Variants in COMMD1 observed in about 807,000 individuals in gnomAD.
COMMD1 encodes the protein COMM domain-containing protein 1.
Under a neutral mutation model 17.2 loss-of-function variants are expected in COMMD1, and 10 were observed. That is an observed-to-expected ratio of 0.58 (90% CI 0.36 to 0.99). The LOEUF (loss-of-function observed/expected upper bound fraction) is 0.99. Among genes scored for constraint, COMMD1 ranks in the 50% least tolerant of loss-of-function variants. The pLI is 0.01. For synonymous variants in COMMD1, 97 were observed against 91.6 expected (o/e 1.06, Z -0.34); for missense variants, 270 against 231.8 (o/e 1.17, Z -1.07).
intron 1 of COMMD1, among the ~76,000 whole-genome samples, chr2:61,997,170 C>T (rs186567054): frequency 1.8e-3 from 277 of 151,912 alleles, no homozygotes; most frequent in African/African-American, 6.4e-3. Context: ...AGTGATCCTC[C>T]CACCTCAGCC....
chr2:62,124,965 CAT>C (rs1177884871), intron 2 of COMMD1, among the ~76,000 whole-genome samples: 1 of 152,110 alleles, frequency 6.6e-6, no homozygotes, highest in African/African-American at 2.4e-5. Context: ...TTTGAAAGTT[CAT>C]GTTTCCCGTA....
chr2:61,949,936 C>G (rs187366889), intron 1 of COMMD1, among the ~76,000 whole-genome samples: 1 of 152,114 alleles, frequency 6.6e-6, no homozygotes, highest in South Asian at 2.1e-4. Flanking sequence ...AAACCAATAA[C>G]GAGAATGCAG....
chr2:62,011,370 A>T (rs1481194736), intron 2 of COMMD1, among the ~76,000 whole-genome samples: 2 of 152,136 alleles, frequency 1.3e-5, no homozygotes, highest in Non-Finnish European at 2.9e-5. Flanking sequence ...AGTCATCCAC[A>T]ATTTGTGGAC....
At chr2:62,082,229 C>G (rs1235959607) in intron 2 of COMMD1, among the ~76,000 whole-genome samples, 2 of 152,178 alleles carry the variant, frequency 1.3e-5, no homozygotes, top group African/African-American at 4.8e-5. Context: ...AACAACAGAA[C>G]ATAGACTTTT....
chr2:62,062,646 GC>G (rs1281420635), intron 2 of COMMD1, among the ~76,000 whole-genome samples: 1 of 151,958 alleles, frequency 6.6e-6, no homozygotes, highest in Non-Finnish European at 1.5e-5. Context: ...AAAAAATAAA[GC>G]TAATTAATCC....
At chr2:62,052,099 CA>C (rs1314699218) in intron 2 of COMMD1, among the ~76,000 whole-genome samples, 7 of 152,180 alleles carry the variant, frequency 4.6e-5, no homozygotes, top group African/African-American at 1.4e-4. Flanking sequence ...CCTATTGTAT[CA>C]GTTGGGATTA....
chr2:62,035,573 T>C (rs1314584663), intron 2 of COMMD1, among the ~76,000 whole-genome samples: 1 of 151,456 alleles, frequency 6.6e-6, no homozygotes, highest in African/African-American at 2.4e-5. Context: ...TAACACTCTC[T>C]ACAAAAAATA....
rs1006914021 is a variant in COMMD1, at chr2:62,033,329, T to C, written c.462+32347T>C. Among the ~76,000 whole-genome samples the C allele has an allele frequency of 2.0e-5, 3 of 152,386 alleles. No homozygotes were observed. In the South Asian group the frequency reaches 6.2e-4, roughly 32 times the overall value. ...TGACTTCTGCTGATACAGGATATGC[T>C]TTCATTATGCTTTTACTTACCTTTC... On this transcript the variant is annotated intron_variant, in intron 2 of 2. Transcript: ENST00000311832.
intron 1 of COMMD1, among the ~76,000 whole-genome samples, chr2:61,949,016 C>G (rs1248948141): frequency 6.6e-6 from 1 of 152,198 alleles, no homozygotes; most frequent in African/African-American, 2.4e-5. Context: ...ACCTATAATT[C>G]CAGTTACTCA....
chr2:61,919,708 A>G (rs902312010), intron 1 of COMMD1, among the ~76,000 whole-genome samples: 1 of 152,156 alleles, frequency 6.6e-6, no homozygotes, highest in Non-Finnish European at 1.5e-5. Context: ...ATGCCTTTAT[A>G]ACAGAGAATT....
chr2:62,067,082 G>A (rs1007722804), intron 2 of COMMD1, among the ~76,000 whole-genome samples: 1 of 151,952 alleles, frequency 6.6e-6, no homozygotes, highest in Non-Finnish European at 1.5e-5. Flanking sequence ...GGTTCCGGCC[G>A]GGCATGGTGG....
intron 1 of COMMD1, among the ~76,000 whole-genome samples, chr2:61,898,446 A>G (rs1669595196): frequency 6.6e-6 from 1 of 152,198 alleles, no homozygotes; most frequent in African/African-American, 2.4e-5. Flanking sequence ...ACTGCACTGC[A>G]GCCTGGATGA....
At chr2:61,943,566 G>C (rs1187312031) in intron 1 of COMMD1, among the ~76,000 whole-genome samples, 1 of 152,172 alleles carries the variant, frequency 6.6e-6, no homozygotes, top group Non-Finnish European at 1.5e-5. Flanking sequence ...TGGGTGCCTT[G>C]GGTCACGCCT....
At chr2:62,121,637 C>T (rs533296268) in intron 2 of COMMD1, among the ~76,000 whole-genome samples, 1 of 150,502 alleles carries the variant, frequency 6.6e-6, no homozygotes, top group East Asian at 2.0e-4. Context: ...ACTTGGGAGG[C>T]TGAGGTAGGA....
intron 2 of COMMD1, among the ~76,000 whole-genome samples, chr2:62,134,141 GA>G (rs1673121429): frequency 6.6e-6 from 1 of 151,000 alleles, no homozygotes; most frequent in African/African-American, 2.5e-5. Context: ...CTCTTGGCCA[GA>G]TAAGGGAAAC....
At chr2:61,982,491 T>G (rs1671981912) in intron 1 of COMMD1, among the ~76,000 whole-genome samples, 1 of 152,226 alleles carries the variant, frequency 6.6e-6, no homozygotes, top group Non-Finnish European at 1.5e-5. Context: ...TCTTGTTTGA[T>G]TGCTTTAGCT....
chr2:62,076,947 C>A (rs933013407), intron 2 of COMMD1, among the ~76,000 whole-genome samples: 1 of 152,052 alleles, frequency 6.6e-6, no homozygotes, highest in African/African-American at 2.4e-5. Context: ...GCCTGAGCAA[C>A]ATGGCGAGAC....
intron 2 of COMMD1, among the ~76,000 whole-genome samples, chr2:62,056,235 G>T (rs1490941533): frequency 6.6e-6 from 1 of 152,198 alleles, no homozygotes; most frequent in Non-Finnish European, 1.5e-5. Context: ...TTTGCAGGAT[G>T]TGATTAAAAT....
At chr2:62,125,998 C>G (rs1486991033) in intron 2 of COMMD1, among the ~76,000 whole-genome samples, 3 of 152,156 alleles carry the variant, frequency 2.0e-5, no homozygotes, top group South Asian at 4.1e-4. Flanking sequence ...TCAGCTCCCA[C>G]TTATAAGTGA....
Sources: allele counts gnomAD v4.1 joint callset (sites outside exome capture counted in the v4.1 genomes callset), GRCh38; gene constraint gnomAD v4.1.1; transcripts MANE v1.5; gene names NCBI Gene and HGNC (gene_info 2026-07-23, HGNC 2026-07-21).